BMP6: variants seen among roughly 807,000 people sequenced by gnomAD.
BMP6 encodes the protein VG-1-R.
A neutral mutation model predicts 54.1 loss-of-function variants in BMP6; 17 were observed. That is an observed-to-expected ratio of 0.31 (90% CI 0.22 to 0.47). The LOEUF (loss-of-function observed/expected upper bound fraction) is 0.47. Ranked by LOEUF, BMP6 falls within the 20% of genes least tolerant of loss-of-function variation. BMP6 has a pLI of 1.00. For synonymous variants in BMP6, 328 were observed against 291.2 expected (o/e 1.13, Z -1.28); for missense variants, 720 against 690.4 (o/e 1.04, Z -0.48).
intron 1 of BMP6, among the ~76,000 whole-genome samples, chr6:7,739,014 A>G (rs761069505): frequency 6.6e-6 from 1 of 152,176 alleles, no homozygotes; most frequent in African/African-American, 2.4e-5. Flanking sequence ...TCAGAGAACC[A>G]TGGGGTCAAA....
intron 1 of BMP6, among the ~76,000 whole-genome samples, chr6:7,741,499 G>A (rs2013263): frequency 0.23 from 20,386 of 88,388 alleles, 2,617 homozygotes; most frequent in Admixed American, 0.34. Flanking sequence ...GTCTCATTAT[G>A]TTGCCCAGAC....
chr6:7,803,693 C>G (rs1258007615), intron 1 of BMP6, among the ~76,000 whole-genome samples: 1 of 152,136 alleles, frequency 6.6e-6, no homozygotes, highest in Non-Finnish European at 1.5e-5. Flanking sequence ...TCTGCCAGCC[C>G]TTTGTAACTT....
chr6:7,801,151 C>T (rs940905185), intron 1 of BMP6, among the ~76,000 whole-genome samples: 3 of 152,170 alleles, frequency 2.0e-5, no homozygotes, highest in Non-Finnish European at 4.4e-5. Context: ...GAATAGTATT[C>T]GTTCACTTTG....
chr6:7,765,967 G>C (rs1757680344), intron 1 of BMP6, among the ~76,000 whole-genome samples: 1 of 152,040 alleles, frequency 6.6e-6, no homozygotes, highest in East Asian at 1.9e-4. Context: ...TCCCTTTGTG[G>C]GCCCAGCTGA....
chr6:7,763,411 AC>A (rs1274448692), intron 1 of BMP6, among the ~76,000 whole-genome samples: 2 of 152,210 alleles, frequency 1.3e-5, no homozygotes, highest in Non-Finnish European at 2.9e-5. Context: ...GACTCCAAAA[AC>A]AAAACAAGAA....
intron 1 of BMP6, among the ~76,000 whole-genome samples, chr6:7,807,480 C>T (rs1758363679): frequency 2.6e-5 from 4 of 152,096 alleles, no homozygotes; most frequent in Non-Finnish European, 4.4e-5. Flanking sequence ...GGGGTTTCAC[C>T]ATGTTGGCCA....
chr6:7,756,032 G>C (rs945365849), intron 1 of BMP6, among the ~76,000 whole-genome samples: 1 of 151,822 alleles, frequency 6.6e-6, no homozygotes, highest in Non-Finnish European at 1.5e-5. Context: ...TCTGCTTGAG[G>C]CTCTTTGAGT....
chr6:7,789,729 A>T (rs1307091670), intron 1 of BMP6, among the ~76,000 whole-genome samples: 1 of 152,000 alleles, frequency 6.6e-6, no homozygotes, highest in Non-Finnish European at 1.5e-5. Flanking sequence ...TTCCCAGCTT[A>T]TGGGATTTCT....
At chr6:7,739,014 A>C (rs761069505) in intron 1 of BMP6, among the ~76,000 whole-genome samples, 1 of 152,176 alleles carries the variant, frequency 6.6e-6, no homozygotes, top group Non-Finnish European at 1.5e-5. Context: ...TCAGAGAACC[A>C]TGGGGTCAAA....
chr6:7,747,699 T>C lies in BMP6; in HGVS notation c.664+20080T>C, dbSNP rs536423082. On this transcript the variant is annotated intron_variant, in intron 1 of 6. Transcript: ENST00000283147. ...TCTTGCTCTGTTGCCCAGACTGGAG[T>C]GCAGCGGTACAATAATGGCTCACTG... 2.6e-5 allele frequency among the ~76,000 whole-genome samples: 4 copies of C among 152,232 alleles called. No individual in the cohort carries two copies. In the East Asian group the frequency reaches 7.7e-4, roughly 29 times the overall value.
chr6:7,825,393 C>G (rs538474628), intron 1 of BMP6, among the ~76,000 whole-genome samples: 2 of 152,286 alleles, frequency 1.3e-5, no homozygotes, highest in African/African-American at 4.8e-5. Context: ...TATGTCACAA[C>G]AAAATCTGGC....
chr6:7,827,556 T>C (rs1353108059), intron 1 of BMP6, among the ~76,000 whole-genome samples: 1 of 152,190 alleles, frequency 6.6e-6, no homozygotes, highest in East Asian at 1.9e-4. Flanking sequence ...CAGTATTTCC[T>C]AAACTCAATC....
At chr6:7,821,497 C>G (rs1758610693) in intron 1 of BMP6, among the ~76,000 whole-genome samples, 1 of 152,118 alleles carries the variant, frequency 6.6e-6, no homozygotes. Context: ...TCGTGAAACC[C>G]CATCTCTACA....
intron 1 of BMP6, among the ~76,000 whole-genome samples, chr6:7,843,443 C>CTTT (rs66907363): frequency 1.5e-5 from 2 of 135,974 alleles, no homozygotes; most frequent in East Asian, 2.1e-4. Context: ...TCTTTTCTTT[C>CTTT]TTTTTTTTTT....
At chr6:7,805,711 C>T (rs999717261) in intron 1 of BMP6, among the ~76,000 whole-genome samples, 6 of 152,104 alleles carry the variant, frequency 3.9e-5, no homozygotes, top group African/African-American at 1.4e-4. Context: ...AGAGCTCTTC[C>T]GTTTTAAAAG....
chr6:7,751,845 C>T (rs1757430492), intron 1 of BMP6, among the ~76,000 whole-genome samples: 1 of 152,162 alleles, frequency 6.6e-6, no homozygotes. Context: ...CTAATCTGGA[C>T]CTCTGAGTAA....
At chr6:7,782,879 A>T (rs1490108159) in intron 1 of BMP6, among the ~76,000 whole-genome samples, 7 of 152,166 alleles carry the variant, frequency 4.6e-5, no homozygotes, top group African/African-American at 1.4e-4. Flanking sequence ...AAAGGCAATT[A>T]ACAGTTTAAA....
intron 4 of BMP6, among the ~76,000 whole-genome samples, chr6:7,870,131 C>G (rs923288623): frequency 3.9e-5 from 6 of 152,198 alleles, no homozygotes; most frequent in Admixed American, 3.9e-4. Flanking sequence ...CCAACCCCTC[C>G]CAGGTGTACT....
intron 2 of BMP6, among the ~76,000 whole-genome samples, chr6:7,852,002 A>G (rs1308439949): frequency 1.3e-5 from 2 of 152,108 alleles, no homozygotes; most frequent in Admixed American, 6.5e-5. Context: ...CTATGGGTCT[A>G]TTTCCACTAC....
Sources: allele counts gnomAD v4.1 joint callset (sites outside exome capture counted in the v4.1 genomes callset), GRCh38; gene constraint gnomAD v4.1.1; transcripts MANE v1.5; gene names NCBI Gene and HGNC (gene_info 2026-07-23, HGNC 2026-07-21).